Variants in AKR1C8 observed in about 807,000 individuals in gnomAD.
The protein encoded by AKR1C8 is aldo-keto reductase family 1 member C8.
At chr10:5,126,229 A>C in the AKR1C8 span, among the ~76,000 whole-genome samples, 1 of 152,132 alleles carries the variant, frequency 6.6e-6, no homozygotes, top group Non-Finnish European at 1.5e-5. Flanking sequence ...GCATGGGTAC[A>C]CCTATACACA....
At chr10:5,117,431 G>C in the AKR1C8 span, among the ~76,000 whole-genome samples, 4 of 152,086 alleles carry the variant, frequency 2.6e-5, no homozygotes, top group African/African-American at 7.2e-5. Flanking sequence ...ACCTGGGGTA[G>C]GATTGATACC....
the AKR1C8 span, chr10:5,122,306 T>C: frequency 5.1e-6 from 1 of 194,210 alleles, no homozygotes. Context: ...CAGGTGCACC[T>C]GGCCTGGGAC....
chr10:5,156,390 G>C, the AKR1C8 span, among the ~76,000 whole-genome samples: 1 of 152,004 alleles, frequency 6.6e-6, no homozygotes, highest in Non-Finnish European at 1.5e-5. Context: ...TCTTACTTAA[G>C]TCAAGAGTAG....
the AKR1C8 span, among the ~76,000 whole-genome samples, chr10:5,140,718 G>A: frequency 6.6e-6 from 1 of 151,868 alleles, no homozygotes; most frequent in African/African-American, 2.4e-5. Flanking sequence ...AATGGGTGCT[G>A]CAAACCAACA....
At chr10:5,149,804 A>G in the AKR1C8 span, among the ~76,000 whole-genome samples, 1 of 152,186 alleles carries the variant, frequency 6.6e-6, no homozygotes, top group Non-Finnish European at 1.5e-5. Flanking sequence ...GTGAATAACT[A>G]TGTTGCCATA....
the AKR1C8 span, chr10:5,132,586 A>C: frequency 6.5e-7 from 1 of 1,529,110 alleles, no homozygotes; most frequent in Non-Finnish European, 8.9e-7. Context: ...ATGCATGCTT[A>C]TCATAGGCAC....
the AKR1C8 span, among the ~76,000 whole-genome samples, chr10:5,162,682 G>C: frequency 3.9e-5 from 6 of 152,128 alleles, no homozygotes; most frequent in African/African-American, 1.4e-4. Flanking sequence ...CTGAAGAATT[G>C]TGTTCTACCA....
At chr10:5,159,829 G>T in the AKR1C8 span, 1 of 478,420 alleles carries the variant, frequency 2.1e-6, no homozygotes. Context: ...GATTAAGCAG[G>T]AAGTGTGTGA....
chr10:5,150,831 C>G, the AKR1C8 span, among the ~76,000 whole-genome samples: 1 of 152,094 alleles, frequency 6.6e-6, no homozygotes, highest in Non-Finnish European at 1.5e-5. Flanking sequence ...TGTAACTGCC[C>G]GGTGGGTTCT....
the AKR1C8 span, among the ~76,000 whole-genome samples, chr10:5,167,405 C>T: frequency 6.6e-6 from 1 of 152,182 alleles, no homozygotes; most frequent in Non-Finnish European, 1.5e-5. Flanking sequence ...CAATGATAGA[C>T]TGGATTAAGA....
At chr10:5,161,277 T>C in the AKR1C8 span, among the ~76,000 whole-genome samples, 4 of 152,160 alleles carry the variant, frequency 2.6e-5, no homozygotes, top group East Asian at 5.8e-4. Flanking sequence ...TTAATATAGC[T>C]ATTCATCAGT....
chr10:5,157,569 A>G, the AKR1C8 span: 4 of 425,572 alleles, frequency 9.4e-6, no homozygotes, highest in African/African-American at 8.2e-5. Context: ...GCATTCTCCC[A>G]TGTAAGAGAG....
the AKR1C8 span, among the ~76,000 whole-genome samples, chr10:5,156,191 A>C: frequency 1.9e-3 from 286 of 152,250 alleles, 3 homozygotes; most frequent in African/African-American, 6.4e-3. Context: ...GAACACAGGA[A>C]ACTCCCACTC....
the AKR1C8 span, among the ~76,000 whole-genome samples, chr10:5,121,369 T>A: frequency 6.6e-6 from 1 of 152,170 alleles, no homozygotes; most frequent in Admixed American, 6.5e-5. Context: ...GGATCTTATC[T>A]TGGTAGAGGC....
the AKR1C8 span, among the ~76,000 whole-genome samples, chr10:5,184,771 AAAGAT>A: frequency 1.6e-4 from 24 of 152,368 alleles, 1 homozygote; most frequent in South Asian, 5.0e-3. Context: ...TAATAGAAAT[AAAGAT>A]AATATACCCA....
the AKR1C8 span, among the ~76,000 whole-genome samples, chr10:5,117,129 GCTTTTT>G: frequency 2.2e-5 from 2 of 89,278 alleles, no homozygotes; most frequent in African/African-American, 9.5e-5. Flanking sequence ...CTGGCAGTGA[GCTTTTT>G]TTTTTTTTTA....
At chr10:5,156,453 AGATATTTTTTG>A in the AKR1C8 span, among the ~76,000 whole-genome samples, 1 of 122,222 alleles carries the variant, frequency 8.2e-6, no homozygotes, top group Non-Finnish European at 1.8e-5. Flanking sequence ...ATAGTAAAAC[AGATATTTTTTG>A]GTTAAAAAAA....
At chr10:5,118,130 A>G in the AKR1C8 span, among the ~76,000 whole-genome samples, 1 of 152,214 alleles carries the variant, frequency 6.6e-6, no homozygotes, top group Non-Finnish European at 1.5e-5. Context: ...CCTGCCAGTT[A>G]TGAGCCTATG....
At chr10:5,177,106 C>T in the AKR1C8 span, among the ~76,000 whole-genome samples, 3 of 152,116 alleles carry the variant, frequency 2.0e-5, no homozygotes, top group South Asian at 6.2e-4. Context: ...ATGATATTAG[C>T]TGTGGGTTTG....
Sources: allele counts gnomAD v4.1 joint callset (sites outside exome capture counted in the v4.1 genomes callset), GRCh38; gene constraint gnomAD v4.1.1; transcripts MANE v1.5; gene names NCBI Gene and HGNC (gene_info 2026-07-23, HGNC 2026-07-21).